AMBRA1: variants seen among roughly 807,000 people sequenced by gnomAD.
AMBRA1 encodes autophagy and beclin 1 regulator 1, also known as activating molecule in BECN1-regulated autophagy protein 1.
In AMBRA1, 47 loss-of-function variants were observed where a neutral mutation model predicts 125.4. The observed-to-expected ratio is 0.37, with a 90% CI of 0.30 to 0.48. AMBRA1 has a LOEUF of 0.48. Among genes scored for constraint, AMBRA1 ranks in the 20% least tolerant of loss-of-function variants. AMBRA1 has a pLI of 0.99. For synonymous variants in AMBRA1, 626 were observed against 655.5 expected, an observed-to-expected ratio of 0.95 and a Z score of 0.69; for missense variants, 1,331 against 1,693.4, an observed-to-expected ratio of 0.79 and a Z score of 3.76.
At chr11:46,563,831 C>T (rs71474183) in intron 1 of AMBRA1, among the ~76,000 whole-genome samples, 2 of 130,024 alleles carry the variant, frequency 1.5e-5, no homozygotes, top group East Asian at 2.2e-4. Flanking sequence ...GGCAACAAAG[C>T]GAGACTGTCT....
At chr11:46,570,544 C>T (rs2043719954) in intron 1 of AMBRA1, among the ~76,000 whole-genome samples, 1 of 152,028 alleles carries the variant, frequency 6.6e-6, no homozygotes, top group South Asian at 2.1e-4. Flanking sequence ...GTGCCAATGC[C>T]TTATATACCC....
chr11:46,473,606 A>T (rs1949692204), intron 11 of AMBRA1, among the ~76,000 whole-genome samples: 1 of 152,234 alleles, frequency 6.6e-6, no homozygotes, highest in Non-Finnish European at 1.5e-5. Flanking sequence ...TAGCAATAAT[A>T]AGTATTGAAA....
chr11:46,508,455 C>T, intron 8 of AMBRA1, 85 bp from the exon 9 acceptor site: 1 of 1,364,790 alleles, frequency 7.3e-7, no homozygotes, highest in Non-Finnish European at 1.0e-6. Flanking sequence ...TCTCCCATGG[C>T]ATCTCCCTGC....
intron 11 of AMBRA1, among the ~76,000 whole-genome samples, chr11:46,444,209 AT>A (rs1042578543): frequency 6.6e-6 from 1 of 152,230 alleles, no homozygotes; most frequent in Non-Finnish European, 1.5e-5. Context: ...CACAATAAAA[AT>A]TTATGAGCCT....
chr11:46,593,574 CTG>C (rs1326728901), intron 1 of AMBRA1, among the ~76,000 whole-genome samples: 1 of 152,194 alleles, frequency 6.6e-6, no homozygotes, highest in Non-Finnish European at 1.5e-5. Flanking sequence ...TCGCCACACA[CTG>C]GGGGTGCCCT....
intron 11 of AMBRA1, among the ~76,000 whole-genome samples, chr11:46,462,246 G>A (rs1166659375): frequency 6.6e-6 from 1 of 152,128 alleles, no homozygotes; most frequent in African/African-American, 2.4e-5. Context: ...ACCTTTTTAA[G>A]ACCAACTCCG....
At chr11:46,509,273 C>A (rs1443291079) in intron 8 of AMBRA1, among the ~76,000 whole-genome samples, 1 of 152,190 alleles carries the variant, frequency 6.6e-6, no homozygotes, top group Non-Finnish European at 1.5e-5. Context: ...CTCCACATTG[C>A]CTTCTCAAGT....
At chr11:46,445,320 T>G (rs1948230698) in intron 11 of AMBRA1, among the ~76,000 whole-genome samples, 1 of 152,074 alleles carries the variant, frequency 6.6e-6, no homozygotes, top group Admixed American at 6.5e-5. Context: ...TTCAAAGACA[T>G]AAGCCCAGTC....
At chr11:46,507,031 G>T (rs1951061022) in intron 9 of AMBRA1, among the ~76,000 whole-genome samples, 2 of 148,574 alleles carry the variant, frequency 1.3e-5, no homozygotes, top group Admixed American at 1.3e-4. Context: ...AAAAAAATTA[G>T]CCGGGCGTGG....
At chr11:46,572,160 G>A (rs1460235796) in intron 1 of AMBRA1, among the ~76,000 whole-genome samples, 1 of 152,096 alleles carries the variant, frequency 6.6e-6, no homozygotes, top group African/African-American at 2.4e-5. Context: ...AATTTGCTGG[G>A]CGTGGTGGCG....
chr11:46,431,972 T>G (rs1378863009), intron 14 of AMBRA1, among the ~76,000 whole-genome samples: 1 of 152,248 alleles, frequency 6.6e-6, no homozygotes, highest in Admixed American at 6.5e-5. Flanking sequence ...CATGATGTTA[T>G]GTTACCCATC....
intron 14 of AMBRA1, among the ~76,000 whole-genome samples, chr11:46,420,710 C>T (rs941608924): frequency 3.4e-4 from 52 of 152,100 alleles, no homozygotes; most frequent in African/African-American, 1.2e-3. Flanking sequence ...GCAGAGCACA[C>T]CCAGAGTTAA....
intron 7 of AMBRA1, among the ~76,000 whole-genome samples, chr11:46,520,721 G>A (rs538850349): frequency 1.7e-4 from 25 of 149,314 alleles, no homozygotes; most frequent in Non-Finnish European, 2.2e-4. Context: ...TCAGCCTCCC[G>A]AGTAGCTGGG....
At chr11:46,499,558 G>A (rs754118986) in intron 9 of AMBRA1, among the ~76,000 whole-genome samples, 3 of 152,122 alleles carry the variant, frequency 2.0e-5, no homozygotes, top group Non-Finnish European at 4.4e-5. Flanking sequence ...ATTGAGGCTC[G>A]ACAGGTACCA....
intron 1 of AMBRA1, among the ~76,000 whole-genome samples, chr11:46,587,958 A>G (rs1324338548): frequency 3.9e-5 from 6 of 152,200 alleles, no homozygotes; most frequent in African/African-American, 1.4e-4. Context: ...AACAACACAC[A>G]ATGAAGAAAA....
chr11:46,577,370 C>A (rs1419161359), intron 1 of AMBRA1, among the ~76,000 whole-genome samples: 1 of 152,102 alleles, frequency 6.6e-6, no homozygotes, highest in East Asian at 1.9e-4. Context: ...CAAAAGATCA[C>A]ATATTGTATG....
chr11:46,489,031 T>C (rs552504950), intron 11 of AMBRA1, among the ~76,000 whole-genome samples: 4 of 152,058 alleles, frequency 2.6e-5, no homozygotes, highest in Admixed American at 6.6e-5. Context: ...GCCTCCAGAG[T>C]AGCTGGGACT....
At chr11:46,515,668 G>T (rs556687049) in intron 7 of AMBRA1, among the ~76,000 whole-genome samples, 36 of 152,142 alleles carry the variant, frequency 2.4e-4, no homozygotes, top group African/African-American at 7.7e-4. Flanking sequence ...CAGTTTTAAT[G>T]ACTCCATTTT....
At chr11:46,578,485 T>TAA (rs1330536762) in intron 1 of AMBRA1, among the ~76,000 whole-genome samples, 1 of 138,030 alleles carries the variant, frequency 7.2e-6, no homozygotes, top group Admixed American at 7.2e-5. Context: ...AGACTCCATC[T>TAA]AAAAAAAAAA....
Sources: allele counts gnomAD v4.1 joint callset (sites outside exome capture counted in the v4.1 genomes callset), GRCh38; gene constraint gnomAD v4.1.1; transcripts MANE v1.5; gene names NCBI Gene and HGNC (gene_info 2026-07-23, HGNC 2026-07-21).